RPS6KA1: variants seen among roughly 807,000 people sequenced by gnomAD.
The protein encoded by RPS6KA1 is ribosomal protein S6 kinase A1.
In RPS6KA1, 48 loss-of-function variants were observed where a neutral mutation model predicts 91.3. That is an observed-to-expected ratio of 0.53 (90% CI 0.42 to 0.67). The LOEUF is 0.67. Ranked by LOEUF, RPS6KA1 falls within the 30% of genes least tolerant of loss-of-function variation. The pLI is 0.00. For missense variants in RPS6KA1, 719 were observed against 960.5 expected (o/e 0.75, Z 3.32); for synonymous variants, 359 against 384.7 (o/e 0.93, Z 0.78).
chr1:26,571,974 T>G lies in RPS6KA1; in HGVS notation c.1829+49T>G, dbSNP rs1310262197. On this transcript the variant is annotated intron_variant, in intron 19 of 21. Coordinates refer to ENST00000374168, the MANE Select transcript of RPS6KA1 (RefSeq NM_002953.4). The surrounding 1 kb of genome is among the most constrained non-coding windows in gnomAD (Gnocchi z 5.1). ...TTCCCCACTCCTGCAGCCCTAGCAC[T>G]TGGGCTGAGTGGTGCTTGTCTGATA... is the stretch of plus-strand genomic sequence containing the variant. 6.4e-7 allele frequency: 1 copy of G among 1,565,612 alleles called. No homozygotes were observed. The highest frequency in any genetic ancestry group is 1.1e-5 in the South Asian group (1 of 89,762).
Position 26,561,502 on chromosome 1 carries a change from C to T in RPS6KA1, c.1432-3C>T. On this transcript the variant is annotated splice_region_variant and splice_polypyrimidine_tract_variant and intron_variant, in intron 16 of 21. Transcript: ENST00000374168. The surrounding 1 kb of genome is among the most constrained non-coding windows in gnomAD (Gnocchi z 5.7). ...AAGAGCCTGATGGTGAGGTCTTCGG[C>T]AGGTGTATGATGATGGCAAACACGT... 6.2e-7 allele frequency: 1 copy of T among 1,614,150 alleles called. No individual in the cohort carries two copies. Among genetic ancestry groups the T allele is most frequent in the Non-Finnish European group, 8.5e-7 (1 of 1,180,024 alleles).
intron 17 of RPS6KA1, among the ~76,000 whole-genome samples, chr1:26,562,825 C>CCTTTT (rs1553133561): frequency 1.2e-5 from 1 of 81,432 alleles, no homozygotes; most frequent in Non-Finnish European, 2.3e-5. Flanking sequence ...TCCTATTGTC[C>CCTTTT]TTTTTTTTTT....
At chr1:26,537,667 A>G (rs1242106259) in intron 2 of RPS6KA1, among the ~76,000 whole-genome samples, 1 of 152,190 alleles carries the variant, frequency 6.6e-6, no homozygotes, top group East Asian at 1.9e-4. Flanking sequence ...TCCCCTTCAC[A>G]GGGTGGCTGT....
chr1:26,540,919 T>C lies in RPS6KA1; in HGVS notation c.108+3950T>C, dbSNP rs188857171. ...GATTCTCCTGCCTCAGCCTCCGTAG[T>C]AGCTGGGATTGCAGGCATATGCCAC... is the stretch of plus-strand genomic sequence containing the variant. On this transcript the variant is annotated intron_variant, in intron 2 of 21. Transcript: ENST00000374168. This position sits in a 1 kb window ranked among gnomAD's most constrained non-coding sequence, Gnocchi z 4.2. Among the ~76,000 whole-genome samples, 134 of 152,318 alleles carry C rather than the reference T, an allele frequency of 8.8e-4. 1 individual carries two copies. The highest frequency in any genetic ancestry group is 2.9e-3 in the African/African-American group (122 of 41,568).
At chr1:26,548,403 C>G (rs1459209331) in intron 4 of RPS6KA1, among the ~76,000 whole-genome samples, 2 of 152,056 alleles carry the variant, frequency 1.3e-5, no homozygotes, top group African/African-American at 4.8e-5. Flanking sequence ...AGCGGGAAGC[C>G]TTGGAGGATG....
Position 26,551,668 on chromosome 1 carries a change from A to G in RPS6KA1, c.413A>G (p.Tyr138Cys), listed in dbSNP as rs777077105. The stretch of plus-strand genomic sequence containing the variant: ...GCCTTCCAGACCGAGGGCAAGCTCT[A>G]TCTCATTCTGGACTTCCTGCGTGGT... ...HYAFQTEGKL[Y>C]LILDFLRGGD... The change falls in exon 6 of 22, where the codon TAT becomes TGT. Residue 138 changes from tyrosine (Y) to cysteine (C), a missense_variant. Coordinates refer to ENST00000374168, the MANE Select transcript of RPS6KA1 (RefSeq NM_002953.4). This position sits in a 1 kb window ranked among gnomAD's most constrained non-coding sequence, Gnocchi z 4.5. 5 of 1,614,056 alleles carry G rather than the reference A, an allele frequency of 3.1e-6. No individual in the cohort carries two copies. Among genetic ancestry groups the G allele is most frequent in the Non-Finnish European group, 1.7e-6 (2 of 1,180,000 alleles).
intron 1 of RPS6KA1, among the ~76,000 whole-genome samples, chr1:26,533,314 G>C (rs150261017): frequency 6.6e-6 from 1 of 152,094 alleles, no homozygotes; most frequent in Non-Finnish European, 1.5e-5. Flanking sequence ...TCTTGACCTC[G>C]TGATCCTCGT....
intron 20 of RPS6KA1, 21 bp from the exon 21 acceptor site, chr1:26,573,203 C>T (rs758319047): frequency 1.2e-6 from 2 of 1,612,894 alleles, no homozygotes; most frequent in African/African-American, 1.3e-5. Flanking sequence ...CCCCCAACCC[C>T]CTTGCCCACT....
At position 26,547,561 on chromosome 1, in the gene RPS6KA1, C is replaced by G. The variant is rs547109808; in HGVS notation, c.307+291C>G. ...ACCAAGCTGGTCAAGCAGAGGCATT[C>G]TGACTGTTGATGCTAGAAGAGTCTG... On this transcript the variant is annotated intron_variant, in intron 4 of 21. Coordinates refer to ENST00000374168, the MANE Select transcript of RPS6KA1 (RefSeq NM_002953.4). This position sits in a 1 kb window ranked among gnomAD's most constrained non-coding sequence, Gnocchi z 4.1. The G allele has an allele frequency of 2.7e-6, 1 of 373,968 alleles. No individual in the cohort carries two copies. The highest frequency in any genetic ancestry group is 3.7e-5 in the Admixed American group (1 of 26,924). The allele number at this position is 373,968 out of a possible 1,614,324, so 23.2% of individuals were successfully genotyped here.
intron 1 of RPS6KA1, among the ~76,000 whole-genome samples, chr1:26,532,545 C>T (rs1372492450): frequency 6.6e-6 from 1 of 152,186 alleles, no homozygotes; most frequent in African/African-American, 2.4e-5. Flanking sequence ...CCTTATCCTG[C>T]AAGGCCCTCG....
At chr1:26,568,348 T>G (rs932401277) in intron 17 of RPS6KA1, among the ~76,000 whole-genome samples, 1 of 152,220 alleles carries the variant, frequency 6.6e-6, no homozygotes, top group Non-Finnish European at 1.5e-5. Context: ...AAAGCTGTAC[T>G]TCCCCTCCCC....
intron 13 of RPS6KA1, among the ~76,000 whole-genome samples, chr1:26,557,902 T>A (rs527641824): frequency 2.0e-5 from 3 of 150,990 alleles, no homozygotes; most frequent in African/African-American, 7.3e-5. Context: ...GATCTCAGCT[T>A]ACTGCAACCT....
intron 1 of RPS6KA1, among the ~76,000 whole-genome samples, chr1:26,532,573 G>C (rs1275595692): frequency 6.6e-6 from 1 of 152,168 alleles, no homozygotes; most frequent in Non-Finnish European, 1.5e-5. Flanking sequence ...TTTGCCGAGG[G>C]CTGGCAGTGC....
chr1:26,531,355 G>A (rs892717366), intron 1 of RPS6KA1: 2 of 152,332 alleles, frequency 1.3e-5, no homozygotes, highest in Non-Finnish European at 2.9e-5. Context: ...TACTAGGACC[G>A]GGGCGCAAGG....
chr1:26,573,107 G>A, intron 20 of RPS6KA1, 117 bp from the exon 21 acceptor site: 1 of 1,087,322 alleles, frequency 9.2e-7, no homozygotes, highest in Non-Finnish European at 1.3e-6. Context: ...ATGGATCCCA[G>A]GGGCTGCCGC....
intron 2 of RPS6KA1, among the ~76,000 whole-genome samples, chr1:26,543,919 T>G (rs2075969742): frequency 2.6e-5 from 4 of 152,188 alleles, no homozygotes; most frequent in African/African-American, 7.2e-5. Context: ...GATAGTCCTC[T>G]CAGCTACTGT....
chr1:26,563,368 C>T (rs574618478), intron 17 of RPS6KA1, among the ~76,000 whole-genome samples: 2 of 151,886 alleles, frequency 1.3e-5, no homozygotes, highest in East Asian at 3.9e-4. Flanking sequence ...GCGGGGACCA[C>T]AGGCACGCAC....
rs780585678 is a variant in RPS6KA1 at position 26,561,702 on chromosome 1, G to A, written c.1590+39G>A. The A allele has an allele frequency of 1.3e-6, 2 of 1,555,188 alleles. No homozygotes were observed. The highest frequency in any genetic ancestry group is 8.7e-7 in the Non-Finnish European group (1 of 1,147,652). Reference sequence around the variant, plus strand: ...CGGGGAGGCAGTAGGGGGATGCCAAGGGTCATATCATCAGCAGAGAACATG... The same window carrying A: ...CGGGGAGGCAGTAGGGGGATGCCAAAGGTCATATCATCAGCAGAGAACATG... On this transcript the variant is annotated intron_variant, in intron 17 of 21. Transcript: ENST00000374168. This position sits in a 1 kb window ranked among gnomAD's most constrained non-coding sequence, Gnocchi z 5.7.
In RPS6KA1 at chr1:26,555,365, AG is replaced by A; in HGVS notation, c.827+145del. 1 of 1,025,668 alleles carries A rather than the reference AG, an allele frequency of 9.7e-7. No homozygotes were observed. The highest frequency in any genetic ancestry group is 1.5e-6 in the Non-Finnish European group (1 of 688,418). 63.5% of individuals were successfully genotyped at this position (1,025,668 alleles called of 1,614,324 possible). ...CTGGGTTAAACATTATACCTTCCAG[AG>A]CCCCTCTTTCATCCCTGGGGGCCTG... On this transcript the variant is annotated intron_variant, in intron 10 of 21. Transcript: ENST00000374168. The surrounding 1 kb of genome is among the most constrained non-coding windows in gnomAD (Gnocchi z 4.3).
Sources: allele counts gnomAD v4.1 joint callset (sites outside exome capture counted in the v4.1 genomes callset), GRCh38; gene constraint gnomAD v4.1.1; non-coding constraint Gnocchi (gnomAD v3.1); transcripts MANE v1.5; gene names NCBI Gene and HGNC (gene_info 2026-07-23, HGNC 2026-07-21).